KLF2: variants seen among roughly 807,000 people sequenced by gnomAD.
The protein encoded by KLF2 is KLF transcription factor 2.
KLF2 carries 9 observed loss-of-function variants against 22.2 expected under a neutral mutation model. The ratio of observed to expected loss-of-function variants is 0.40; its 90% CI spans 0.24 to 0.71. The LOEUF (loss-of-function observed/expected upper bound fraction) is 0.71. Among genes scored for constraint, KLF2 ranks in the 30% least tolerant of loss-of-function variants. KLF2 has a pLI of 0.35. For synonymous variants in KLF2, 299 were observed against 264.2 expected (o/e 1.13, Z -1.28); for missense variants, 481 against 542.1 (o/e 0.89, Z 1.12).
Position 16,325,430 on chromosome 19 carries a change from G to A in KLF2, c.290G>A (p.Arg97Gln), listed in dbSNP as rs745345261. The change falls in exon 2 of 3, where the codon CGA becomes CAA. Residue 97 changes from arginine (R) to glutamine (Q), a missense_variant. Arg to Gln is a conservative substitution (Grantham distance 43). This residue lies in a region of KLF2 where 421 missense variants were observed against 435.1 expected (regional missense o/e 0.97). Transcript: ENST00000248071. The part of the protein sequence containing the change: ...PAGGLVSELL[R>Q]PELDAPLGPA... ...GGTGGCCTGGTGTCTGAGCTGCTGC[G>A]ACCCGAGCTGGATGCGCCGCTGGGG... 4.9e-6 allele frequency: 7 copies of A among 1,418,222 alleles called. No individual in the cohort carries two copies. Among genetic ancestry groups the A allele is most frequent in the Middle Eastern group, 2.4e-4 (1 of 4,162 alleles). The allele number at this position is 1,418,222 out of a possible 1,614,324, so 87.9% of individuals were successfully genotyped here.
At position 16,326,051 on chromosome 19, in the gene KLF2, C is replaced by A; in HGVS notation, c.892+19C>A. The A allele has an allele frequency of 2.0e-6, 3 of 1,533,002 alleles. No individual in the cohort carries two copies. Among genetic ancestry groups the A allele is most frequent in the Non-Finnish European group, 2.6e-6 (3 of 1,140,868 alleles). 95.0% of individuals were successfully genotyped at this position (1,533,002 alleles called of 1,614,324 possible). A position where few individuals can be genotyped will look rare whatever the true frequency, so the allele number is the denominator to read the frequency against. ...CACACAGGTGGGCGGCACGCACGAG[C>A]CAGGAGCGCAGGCGGGGGGACGCGG... On this transcript the variant is annotated intron_variant, in intron 2 of 2. Coordinates refer to ENST00000248071, the MANE Select transcript of KLF2 (RefSeq NM_016270.4).
At chr19:16,326,145 G>T in intron 2 of KLF2, 113 bp downstream of exon 2, 1 of 1,092,030 alleles carries the variant, frequency 9.2e-7, no homozygotes, top group South Asian at 1.6e-5. Flanking sequence ...CGTGGCTCAG[G>T]GGGATCTGGC....
rs951180057 is a variant in KLF2 at position 16,325,291 on chromosome 19, A to G, written c.151A>G (p.Met51Val). Residue 51 changes from methionine (M) to valine (V), a missense_variant, in exon 2 of 3, where the codon ATG (methionine) becomes GTG (valine). Physicochemically the swap from Met to Val is conservative, Grantham distance 21. Coordinates refer to ENST00000248071, the MANE Select transcript of KLF2 (RefSeq NM_016270.4). ...CAGCGTGCTGGACTTCATCCTGTCC[A>G]TGGGGCTGGATGGCCTGGGCGCCGA... Reference protein sequence around the residue: ...LNSVLDFILSMGLDGLGAEAA... With the variant: ...LNSVLDFILSVGLDGLGAEAA... 6.7e-7 allele frequency: 1 copy of G among 1,496,398 alleles called. No homozygotes were observed. Among genetic ancestry groups the G allele is most frequent in the Non-Finnish European group, 8.9e-7 (1 of 1,126,572 alleles). 92.7% of individuals were successfully genotyped at this position (1,496,398 alleles called of 1,614,324 possible).
chr19:16,326,801 T>C (rs1230785272), intron 2 of KLF2, 55 bp from the exon 3 acceptor site: 18 of 1,558,444 alleles, frequency 1.2e-5, no homozygotes, highest in Non-Finnish European at 6.1e-6. Flanking sequence ...GGGGTAGCCA[T>C]ACGTGCCCTG....
Position 16,325,594 on chromosome 19 carries a change from G to T in KLF2, c.454G>T (p.Ala152Ser). The T allele has an allele frequency of 5.3e-6, 6 of 1,133,402 alleles. No homozygotes were observed. The highest frequency in any genetic ancestry group is 6.5e-6 in the Non-Finnish European group (6 of 926,444). The allele number at this position is 1,133,402 out of a possible 1,614,324, so 70.2% of individuals were successfully genotyped here. The stretch of plus-strand genomic sequence containing the variant: ...ACCGCGCGGCCTCAAGCGCGAGGGC[G>T]CCCCGGGCCCGGCGGCTTCGTGCAT... ...RGPRGLKREG[A>S]PGPAASCMRG... The change falls in exon 2 of 3, where the codon GCC becomes TCC. Residue 152 changes from alanine (A) to serine (S), a missense_variant. By Grantham distance (99) the Ala-to-Ser change is moderately conservative. This residue lies in a region of KLF2 where 421 missense variants were observed against 435.1 expected (regional missense o/e 0.97). Coordinates refer to ENST00000248071, the MANE Select transcript of KLF2 (RefSeq NM_016270.4).
rs1186112012 is a variant in KLF2 at position 16,324,869 on chromosome 19, C to G, written c.-55C>G. The G allele has an allele frequency of 6.8e-7, 1 of 1,473,566 alleles. No individual in the cohort carries two copies. The highest frequency in any genetic ancestry group is 1.9e-5 in the Admixed American group (1 of 53,150). The allele number at this position is 1,473,566 out of a possible 1,614,324, so 91.3% of individuals were successfully genotyped here. A position where few individuals can be genotyped will look rare whatever the true frequency, so the allele number is the denominator to read the frequency against. On this transcript the variant is annotated 5_prime_UTR_variant, in exon 1 of 3. Coordinates refer to ENST00000248071, the MANE Select transcript of KLF2 (RefSeq NM_016270.4). ...GCCCGCGCCCCGACCAGCCCGGCCTCGGGCAGCCACTCACCGGTGTCCCCG... is the reference window on the plus strand; with the variant it reads ...GCCCGCGCCCCGACCAGCCCGGCCTGGGGCAGCCACTCACCGGTGTCCCCG...
chr19:16,325,261 C>T lies in KLF2; in HGVS notation c.121C>T (p.Leu41Phe). ...EPESGGTDDD[L>F]NSVLDFILSM... is the part of the protein sequence containing the mutation. ...CGAGTCCGGCGGCACCGACGACGAC[C>T]TCAACAGCGTGCTGGACTTCATCCT... The change falls in exon 2 of 3, where the codon CTC becomes TTC. Residue 41 changes from leucine to phenylalanine, a missense_variant. Coordinates refer to ENST00000248071, the MANE Select transcript of KLF2 (RefSeq NM_016270.4). 1 of 1,544,552 alleles carries T rather than the reference C, an allele frequency of 6.5e-7. No individual in the cohort carries two copies.
Position 16,328,343 on chromosome 19 carries a change from A to G in KLF2, c.*1312A>G, listed in dbSNP as rs2091896277. On this transcript the variant is annotated 3_prime_UTR_variant, in exon 3 of 3. Coordinates refer to ENST00000248071, the MANE Select transcript of KLF2 (RefSeq NM_016270.4). ...CCTGGAGAGCAGAGGAGACCCCTAA[A>G]TCCCACCACCCCAAGTGTCTCAGGC... Among the ~76,000 whole-genome samples, 1 of 151,876 alleles carries G rather than the reference A, an allele frequency of 6.6e-6. No individual in the cohort carries two copies. The highest frequency in any genetic ancestry group is 6.6e-5 in the Admixed American group (1 of 15,234).
chr19:16,326,496 C>A (rs1287997683), intron 2 of KLF2, among the ~76,000 whole-genome samples: 1 of 151,954 alleles, frequency 6.6e-6, no homozygotes, highest in Non-Finnish European at 1.5e-5. Context: ...GGGGAGGGCG[C>A]TCAGGCTTGG....
chr19:16,326,106 A>T (rs2091889257), intron 2 of KLF2, 74 bp downstream of exon 2: 1 of 1,432,452 alleles, frequency 7.0e-7, no homozygotes, highest in Non-Finnish European at 9.4e-7. Flanking sequence ...AGCGCGCGCC[A>T]GAAAATGAAT....
Position 16,325,416 on chromosome 19 carries a change from G to A in KLF2, c.276G>A (p.Val92=). ...PPYSAPAGGL[V]SELLRPELDA... ...ACAGCGCCCCCGCGGGTGGCCTGGTGTCTGAGCTGCTGCGACCCGAGCTGG... is the reference window on the plus strand; with the variant it reads ...ACAGCGCCCCCGCGGGTGGCCTGGTATCTGAGCTGCTGCGACCCGAGCTGG... The change falls in exon 2 of 3, where the codon GTG becomes GTA. Residue 92 remains valine (V), a synonymous_variant. Transcript: ENST00000248071. 1.3e-5 allele frequency: 19 copies of A among 1,428,528 alleles called. No homozygotes were observed. Among genetic ancestry groups the A allele is most frequent in the Non-Finnish European group, 1.7e-5 (19 of 1,101,852 alleles). 88.5% of individuals were successfully genotyped at this position (1,428,528 alleles called of 1,614,324 possible).
At position 16,328,168 on chromosome 19, in the gene KLF2, C is replaced by T. The variant is rs905107328; in HGVS notation, c.*1137C>T. 2.0e-5 allele frequency among the ~76,000 whole-genome samples: 3 copies of T among 152,008 alleles called. No homozygotes were observed. Among genetic ancestry groups the T allele is most frequent in the Non-Finnish European group, 4.4e-5 (3 of 68,002 alleles). ...CCTGCTCTGTCTGCCTCCAAGGGTC[C>T]CTGAACCCCACTGGAAGGGAGTGGT... On this transcript the variant is annotated 3_prime_UTR_variant, in exon 3 of 3. Transcript: ENST00000248071.
chr19:16,326,115 A>G (rs2091889304), intron 2 of KLF2, 83 bp downstream of exon 2: 1 of 1,342,042 alleles, frequency 7.5e-7, no homozygotes, highest in African/African-American at 1.5e-5. Flanking sequence ...CAGAAAATGA[A>G]TTTAGGACCT....
chr19:16,324,997 A>G lies in KLF2; in HGVS notation c.74A>G (p.Glu25Gly). 1 of 1,582,692 alleles carries G rather than the reference A, an allele frequency of 6.3e-7. No homozygotes were observed. Among genetic ancestry groups the G allele is most frequent in the Non-Finnish European group, 8.6e-7 (1 of 1,165,532 alleles). Residue 25 changes from glutamate (E) to glycine (G), a missense_variant and splice_region_variant, in exon 1 of 3, where the codon GAG (glutamate) becomes GGG (glycine). By Grantham distance (98) the Glu-to-Gly change is moderately conservative. Around this residue, in one of 2 missense-constraint regions of KLF2, gnomAD observed 421 missense variants for 435.1 expected, o/e 0.97. Coordinates refer to ENST00000248071, the MANE Select transcript of KLF2 (RefSeq NM_016270.4). ...CCGTGCCGCGAGCGCGGCCTGCAGG[A>G]GGTGAGGGCGGCGGGGACGGCGGGG... ...ASPCRERGLQERWPRAEPESG... is the reference protein window; with the variant it reads ...ASPCRERGLQGRWPRAEPESG...
At position 16,326,041 on chromosome 19, in the gene KLF2, C is replaced by T. The variant is rs968459172; in HGVS notation, c.892+9C>T. On this transcript the variant is annotated intron_variant, in intron 2 of 2. Coordinates refer to ENST00000248071, the MANE Select transcript of KLF2 (RefSeq NM_016270.4). The stretch of plus-strand genomic sequence containing the variant: ...TCTGCGCACGCACACAGGTGGGCGG[C>T]ACGCACGAGCCAGGAGCGCAGGCGG... 25 of 1,540,856 alleles carry T rather than the reference C, an allele frequency of 1.6e-5. No homozygotes were observed. Among genetic ancestry groups the T allele is most frequent in the Non-Finnish European group, 2.0e-5 (23 of 1,144,166 alleles).
intron 1 of KLF2, 74 bp from the exon 2 acceptor site, chr19:16,325,142 T>C (rs1568375040): frequency 4.5e-6 from 6 of 1,336,124 alleles, no homozygotes; most frequent in Non-Finnish European, 6.0e-6. Flanking sequence ...GATCGCGGAC[T>C]TAGGGTGGTA....
chr19:16,326,409 C>A (rs143617348), intron 2 of KLF2, among the ~76,000 whole-genome samples: 77 of 152,018 alleles, frequency 5.1e-4, no homozygotes, highest in African/African-American at 1.8e-3. Context: ...CTCAGAATCC[C>A]CGGGGCTGAG....
chr19:16,324,927 G>A lies in KLF2; in HGVS notation c.4G>A (p.Ala2Thr), dbSNP rs1408342200. 6.3e-7 allele frequency: 1 copy of A among 1,599,250 alleles called. No individual in the cohort carries two copies. The highest frequency in any genetic ancestry group is 8.5e-7 in the Non-Finnish European group (1 of 1,174,126). The change falls in exon 1 of 3, where the codon GCG becomes ACG. Residue 2 changes from alanine to threonine, a missense_variant. Physicochemically the swap from Ala to Thr is moderately conservative, Grantham distance 58. Transcript: ENST00000248071. ...CCTTTCTCCCCGGGTCCCGGCCATG[G>A]CGCTGAGTGAACCCATCCTGCCGTC... M[A>T]LSEPILPSFS...
In KLF2 at chr19:16,327,139, G is replaced by C; in HGVS notation, c.*108G>C. On this transcript the variant is annotated 3_prime_UTR_variant, in exon 3 of 3. Transcript: ENST00000248071. ...TTTATTGGACCCAGAGAACCGGGCC[G>C]GGCACAGCGTGGCTACAGAGGGTCT... 1 of 1,127,332 alleles carries C rather than the reference G, an allele frequency of 8.9e-7. No individual in the cohort carries two copies. The highest frequency in any genetic ancestry group is 1.2e-6 in the Non-Finnish European group (1 of 822,938). 69.8% of individuals were successfully genotyped at this position (1,127,332 alleles called of 1,614,324 possible). A position where few individuals can be genotyped will look rare whatever the true frequency, so the allele number is the denominator to read the frequency against.
Sources: gnomAD v4.1 joint callset for allele counts (sites outside exome capture counted in the v4.1 genomes callset) on GRCh38, gnomAD v4.1.1 for gene constraint, gnomAD v4.1.1 regional missense constraint, MANE v1.5 for transcripts, NCBI Gene and HGNC (gene_info 2026-07-23, HGNC 2026-07-21) for gene names.